The following EXD2 variants were observed in gnomAD, a reference collection of about 807,000 sequenced individuals.
EXD2 encodes exonuclease 3'-5' domain containing 2, also known as exonuclease 3'-5' domain-containing protein 2.
Under a neutral mutation model 62.5 loss-of-function variants are expected in EXD2, and 40 were observed. That is an observed-to-expected ratio of 0.64 (90% CI 0.50 to 0.83). EXD2 has a LOEUF of 0.83. Ranked by LOEUF, EXD2 falls within the 40% of genes least tolerant of loss-of-function variation. The pLI is 0.00. For missense variants in EXD2, 671 were observed against 761.8 expected (o/e 0.88, Z 1.40); for synonymous variants, 239 against 291.9 (o/e 0.82, Z 1.85).
intron 3 of EXD2, among the ~76,000 whole-genome samples, chr14:69,227,705 G>A (rs1489875086): frequency 1.3e-5 from 2 of 151,946 alleles, no homozygotes; most frequent in East Asian, 1.9e-4. Context: ...TTAGCTGGGC[G>A]TGCCTGTAAC....
chr14:69,194,874 GT>G (rs1427414676), intron 1 of EXD2, among the ~76,000 whole-genome samples: 1 of 152,136 alleles, frequency 6.6e-6, no homozygotes, highest in African/African-American at 2.4e-5. Context: ...GTTATTATTA[GT>G]TTCTTTTCCA....
At chr14:69,203,494 G>A (rs1344244512) in intron 1 of EXD2, among the ~76,000 whole-genome samples, 1 of 152,180 alleles carries the variant, frequency 6.6e-6, no homozygotes, top group Non-Finnish European at 1.5e-5. Context: ...AGACTATAAG[G>A]GGAGTCTCAG....
chr14:69,241,086 A>C lies in EXD2; in HGVS notation c.1852A>C (p.Ile618Leu). The change falls in exon 10 of 10, where the codon ATC becomes CTC. Residue 618 changes from isoleucine (I) to leucine (L), a missense_variant. Coordinates refer to ENST00000685843, the MANE Select transcript of EXD2 (RefSeq NM_001193360.2). ...CCGGAAATTCGGGGAAGATCTTCCC[A>C]TCCAGCTGTCTTGATAGCTGCTTTC... ...LLRKFGEDLPIQLS is the reference protein window; with the variant it reads ...LLRKFGEDLPLQLS 2 of 1,612,392 alleles carry C rather than the reference A, an allele frequency of 1.2e-6. No individual in the cohort carries two copies. Among genetic ancestry groups the C allele is most frequent in the African/African-American group, 1.3e-5 (1 of 75,002 alleles).
rs1219731322 is a variant in EXD2, at chr14:69,212,007, A to G, written c.333+2204A>G. Among the ~76,000 whole-genome samples the G allele has an allele frequency of 2.6e-5, 4 of 152,342 alleles. No homozygotes were observed. The East Asian group carries it at 7.7e-4, about 29-fold the overall frequency. On this transcript the variant is annotated intron_variant, in intron 3 of 9. Coordinates refer to ENST00000685843, the MANE Select transcript of EXD2 (RefSeq NM_001193360.2). ...TGCATTTTCCTGATTGCTGTCATAA[A>G]AAACTCAATGAAAAAGTCATTCATG...
intron 1 of EXD2, among the ~76,000 whole-genome samples, chr14:69,199,884 A>G (rs2042332728): frequency 6.6e-6 from 1 of 152,224 alleles, no homozygotes; most frequent in Non-Finnish European, 1.5e-5. Flanking sequence ...AAAATATGGT[A>G]AATAAATAAA....
chr14:69,198,104 G>C (rs907180752), intron 1 of EXD2, among the ~76,000 whole-genome samples: 1 of 152,176 alleles, frequency 6.6e-6, no homozygotes, highest in African/African-American at 2.4e-5. Flanking sequence ...ACTTGTGTAT[G>C]TGATTATGTG....
Position 69,243,294 on chromosome 14 carries a change from A to G in EXD2, c.*2194A>G, listed in dbSNP as rs1000090590. The G allele has an allele frequency of 2.0e-5, 3 of 152,260 alleles. No individual in the cohort carries two copies. The highest frequency in any genetic ancestry group is 2.9e-5 in the Non-Finnish European group (2 of 68,046). 9.4% of individuals were successfully genotyped at this position (152,260 alleles called of 1,614,324 possible). Reference sequence around the variant, plus strand: ...ATAAAAGTAACAATGCTCATTACAGAAGAATCTAAACAAAGAATAAAAATT... The same window carrying G: ...ATAAAAGTAACAATGCTCATTACAGGAGAATCTAAACAAAGAATAAAAATT... On this transcript the variant is annotated 3_prime_UTR_variant, in exon 10 of 10. Coordinates refer to ENST00000685843, the MANE Select transcript of EXD2 (RefSeq NM_001193360.2).
rs759734118 is a variant in EXD2 at position 69,237,558 on chromosome 14, G to T, written c.1293-17G>T. 1 of 1,612,744 alleles carries T rather than the reference G, an allele frequency of 6.2e-7. No homozygotes were observed. Among genetic ancestry groups the T allele is most frequent in the East Asian group, 2.2e-5 (1 of 44,898 alleles). The stretch of plus-strand genomic sequence containing the variant: ...CATACACTTATGAGCGCTGCTTTCC[G>T]GCTGGGCTTGTTCCAGGAAGAACGT... On this transcript the variant is annotated splice_polypyrimidine_tract_variant and intron_variant, in intron 8 of 9. Coordinates refer to ENST00000685843, the MANE Select transcript of EXD2 (RefSeq NM_001193360.2).
chr14:69,211,299 G>A lies in EXD2; in HGVS notation c.333+1496G>A, dbSNP rs527838931. On this transcript the variant is annotated intron_variant, in intron 3 of 9. Coordinates refer to ENST00000685843, the MANE Select transcript of EXD2 (RefSeq NM_001193360.2). ...TCCATCTCAAGAAACCACTTTCTTT[G>A]CTCATCCATAAAAAGCAACTCTTCA... Among the ~76,000 whole-genome samples the A allele has an allele frequency of 7.9e-5, 12 of 151,896 alleles. No homozygotes were observed. The East Asian group carries it at 2.1e-3, about 27-fold the overall frequency.
chr14:69,240,270 A>G (rs902612912), intron 9 of EXD2, among the ~76,000 whole-genome samples: 1 of 152,130 alleles, frequency 6.6e-6, no homozygotes, highest in East Asian at 1.9e-4. Context: ...GACTCTGCTT[A>G]GTTAGGAAGG....
intron 2 of EXD2, among the ~76,000 whole-genome samples, chr14:69,204,799 T>C (rs1307086383): frequency 6.6e-6 from 1 of 152,196 alleles, no homozygotes; most frequent in East Asian, 1.9e-4. Flanking sequence ...AATCTGGTGA[T>C]TGAATTAGAG....
intron 3 of EXD2, among the ~76,000 whole-genome samples, chr14:69,222,093 A>C (rs2043205478): frequency 6.6e-6 from 1 of 151,884 alleles, no homozygotes; most frequent in Non-Finnish European, 1.5e-5. Context: ...TCTCAAAAAA[A>C]AAAAAAAATT....
chr14:69,240,046 C>T (rs775286912), intron 9 of EXD2, among the ~76,000 whole-genome samples: 12 of 152,192 alleles, frequency 7.9e-5, no homozygotes, highest in Admixed American at 3.3e-4. Flanking sequence ...TAGTGGGAAG[C>T]GCATGAGCTA....
chr14:69,206,455 CTTTTTTTTTTT>C lies in EXD2; in HGVS notation c.-48+2476_-48+2486del, dbSNP rs56333403. 5.7e-4 allele frequency among the ~76,000 whole-genome samples: 54 copies of C among 94,640 alleles called. 5 individuals carry two copies. Among genetic ancestry groups the C allele is most frequent in the Admixed American group, 2.4e-3 (21 of 8,872 alleles). 62.1% of individuals were successfully genotyped at this position (94,640 alleles called of 152,430 possible). On this transcript the variant is annotated intron_variant, in intron 2 of 9. Coordinates refer to ENST00000685843, the MANE Select transcript of EXD2 (RefSeq NM_001193360.2). ...CCCAGCTTCATCTCCCACCCACCCA[CTTTTTTTTTTT>C]TTTTTTTTTTTTTTTTTTTTGAGAT...
In EXD2 at chr14:69,212,295, T is replaced by G. The variant is rs547886533; in HGVS notation, c.333+2492T>G. 2.2e-3 allele frequency among the ~76,000 whole-genome samples: 332 copies of G among 152,132 alleles called. 1 individual carries two copies. The highest frequency in any genetic ancestry group is 7.6e-3 in the African/African-American group (314 of 41,492). ...GGGAGGCTGAGGCAGGAGAATTGCT[T>G]GAGCCCAGGAGGTGGAGGTTGCAGT... On this transcript the variant is annotated intron_variant, in intron 3 of 9. Transcript: ENST00000685843.
Position 69,211,794 on chromosome 14 carries a change from C to T in EXD2, c.333+1991C>T, listed in dbSNP as rs183258733. ...AAGCACCTGGATTATTCCAACTAAACGAAGGATAACTTGAGCAACAGCAGG... is the reference window on the plus strand; with the variant it reads ...AAGCACCTGGATTATTCCAACTAAATGAAGGATAACTTGAGCAACAGCAGG... On this transcript the variant is annotated intron_variant, in intron 3 of 9. Transcript: ENST00000685843. 1.9e-3 allele frequency among the ~76,000 whole-genome samples: 289 copies of T among 152,174 alleles called. 1 individual carries two copies. Among genetic ancestry groups the T allele is most frequent in the Middle Eastern group, 0.017 (5 of 294 alleles).
intron 1 of EXD2, among the ~76,000 whole-genome samples, chr14:69,194,201 C>T (rs549268488): frequency 4.0e-5 from 6 of 150,336 alleles, no homozygotes; most frequent in African/African-American, 7.3e-5. Context: ...TGCAGTGGCG[C>T]GATCTCAGCT....
At chr14:69,215,717 A>G (rs949840473) in intron 3 of EXD2, among the ~76,000 whole-genome samples, 3 of 152,046 alleles carry the variant, frequency 2.0e-5, no homozygotes, top group African/African-American at 7.2e-5. Context: ...TTTAATTTGC[A>G]TATTCCAGAT....
At chr14:69,218,828 T>G (rs1326723959) in intron 3 of EXD2, among the ~76,000 whole-genome samples, 1 of 152,106 alleles carries the variant, frequency 6.6e-6, no homozygotes, top group East Asian at 1.9e-4. Context: ...AGATGTGTGG[T>G]ATTATTTTTG....
Sources: gnomAD v4.1 joint callset for allele counts (sites outside exome capture counted in the v4.1 genomes callset) on GRCh38, gnomAD v4.1.1 for gene constraint, MANE v1.5 for transcripts, NCBI Gene and HGNC (gene_info 2026-07-23, HGNC 2026-07-21) for gene names.